Variants in HACD3 observed in about 807,000 individuals in gnomAD.
HACD3 encodes 3-hydroxyacyl-CoA dehydratase 3.
In HACD3, 30 loss-of-function variants were observed where a neutral mutation model predicts 55.2. The ratio of observed to expected loss-of-function variants is 0.54; its 90% CI spans 0.41 to 0.74. HACD3 has a LOEUF of 0.74. Among genes scored for constraint, HACD3 ranks in the 30% least tolerant of loss-of-function variants. HACD3 has a pLI of 0.00. For missense variants in HACD3, 363 were observed against 440.1 expected (o/e 0.82, Z 1.57); for synonymous variants, 141 against 151.7 (o/e 0.93, Z 0.52).
chr15:65,560,595 G>A (rs770021497), intron 5 of HACD3, among the ~76,000 whole-genome samples: 4 of 151,924 alleles, frequency 2.6e-5, no homozygotes, highest in Non-Finnish European at 5.9e-5. Flanking sequence ...CCAGGAGTTC[G>A]AGATCAGACT....
At chr15:65,540,543 A>G (rs946738861) in intron 1 of HACD3, among the ~76,000 whole-genome samples, 3 of 152,214 alleles carry the variant, frequency 2.0e-5, no homozygotes, top group African/African-American at 7.2e-5. Flanking sequence ...GAACATTCCA[A>G]CAAGTCCACA....
intron 7 of HACD3, chr15:65,565,906 CA>C (rs1263052659): frequency 6.6e-6 from 1 of 152,388 alleles, no homozygotes; most frequent in Non-Finnish European, 1.5e-5. Flanking sequence ...ATGCTTTTAA[CA>C]GCACCCAAGT....
Position 65,530,656 on chromosome 15 carries a change from C to T in HACD3, c.25C>T (p.His9Tyr), listed in dbSNP as rs1358808567. 1.9e-6 allele frequency: 3 copies of T among 1,582,048 alleles called. No individual in the cohort carries two copies. The Admixed American group carries it at 5.4e-5, about 29-fold the overall frequency. The change falls in exon 1 of 11, where the codon CAT (histidine) becomes TAT (tyrosine). Residue 9 changes from histidine to tyrosine, a missense_variant. Coordinates refer to ENST00000261875, the MANE Select transcript of HACD3 (RefSeq NM_016395.4). MENQVLTP[H>Y]VYWAQRHREL... Reference sequence around the variant, plus strand: ...CATGGAGAATCAGGTGTTGACGCCGCATGTCTACTGGGCTCAGCGACACCG... The same window carrying T: ...CATGGAGAATCAGGTGTTGACGCCGTATGTCTACTGGGCTCAGCGACACCG...
chr15:65,572,112 A>G, intron 9 of HACD3, 123 bp from the exon 10 acceptor site: 1 of 1,246,390 alleles, frequency 8.0e-7, no homozygotes, highest in Non-Finnish European at 1.1e-6. Flanking sequence ...TTCTGTACAA[A>G]GGGAGGAGAA....
chr15:65,542,355 T>C (rs1477551795), intron 1 of HACD3, among the ~76,000 whole-genome samples: 4 of 151,720 alleles, frequency 2.6e-5, no homozygotes, highest in Admixed American at 2.6e-4. Flanking sequence ...TCTCCACCTC[T>C]CAGGCCCAAG....
intron 2 of HACD3, among the ~76,000 whole-genome samples, chr15:65,554,313 G>A (rs1052236196): frequency 6.6e-6 from 1 of 152,054 alleles, no homozygotes; most frequent in Non-Finnish European, 1.5e-5. Flanking sequence ...GTGGAAGATT[G>A]GGTAAATACG....
intron 1 of HACD3, among the ~76,000 whole-genome samples, chr15:65,544,129 A>G (rs1359821287): frequency 1.3e-5 from 2 of 152,194 alleles, no homozygotes; most frequent in Non-Finnish European, 1.5e-5. Context: ...GTGAGCCGAG[A>G]TTACGCCACT....
At chr15:65,554,300 A>G (rs1008179261) in intron 2 of HACD3, among the ~76,000 whole-genome samples, 3 of 152,150 alleles carry the variant, frequency 2.0e-5, no homozygotes, top group Non-Finnish European at 4.4e-5. Flanking sequence ...CATCAGGGTC[A>G]CAGTGGAAGA....
chr15:65,556,659 T>C, intron 3 of HACD3, 80 bp from the exon 4 acceptor site: 2 of 1,373,440 alleles, frequency 1.5e-6, no homozygotes, highest in Non-Finnish European at 2.0e-6. Context: ...ATCCTGCAGC[T>C]TCTATGTACG....
intron 1 of HACD3, among the ~76,000 whole-genome samples, chr15:65,549,493 G>C (rs952251587): frequency 8.7e-5 from 13 of 150,248 alleles, no homozygotes; most frequent in African/African-American, 3.2e-4. Context: ...CCAGCTGCTC[G>C]GGAGGCTGAA....
chr15:65,574,479 A>G (rs1567342006), intron 10 of HACD3: 1 of 152,266 alleles, frequency 6.6e-6, no homozygotes. Flanking sequence ...GTATGAAATA[A>G]CAGGAGATAG....
intron 1 of HACD3, among the ~76,000 whole-genome samples, chr15:65,534,907 G>T (rs1045353227): frequency 6.6e-6 from 1 of 152,208 alleles, no homozygotes; most frequent in African/African-American, 2.4e-5. Flanking sequence ...TTAAACCTTA[G>T]ATGAGAGGGA....
chr15:65,549,430 A>AG (rs1254111057), intron 1 of HACD3, among the ~76,000 whole-genome samples: 3 of 93,174 alleles, frequency 3.2e-5, no homozygotes, highest in Non-Finnish European at 6.8e-5. Context: ...TGCTGGGAAA[A>AG]AAAAAAAAAA....
At chr15:65,562,701 G>T in intron 5 of HACD3, 73 bp from the exon 6 acceptor site, 2 of 1,553,914 alleles carry the variant, frequency 1.3e-6, no homozygotes, top group Non-Finnish European at 1.7e-6. Flanking sequence ...AAGTCATCCA[G>T]ATATGCCTCA....
In HACD3 at chr15:65,533,826, C is replaced by T. The variant is rs1475935911; in HGVS notation, c.87+3108C>T. Among the ~76,000 whole-genome samples the T allele has an allele frequency of 4.0e-5, 6 of 150,682 alleles. No individual in the cohort carries two copies. In the South Asian group the frequency reaches 8.4e-4, roughly 21 times the overall value. ...CAGCACTATGGGAGGCCGAGACGGGCGGATCATGAGGTCAGGAGATCGAGA... is the reference window on the plus strand; with the variant it reads ...CAGCACTATGGGAGGCCGAGACGGGTGGATCATGAGGTCAGGAGATCGAGA... On this transcript the variant is annotated intron_variant, in intron 1 of 10. Coordinates refer to ENST00000261875, the MANE Select transcript of HACD3 (RefSeq NM_016395.4).
intron 10 of HACD3, among the ~76,000 whole-genome samples, chr15:65,573,888 T>C (rs1366401289): frequency 6.6e-6 from 1 of 152,206 alleles, no homozygotes; most frequent in Non-Finnish European, 1.5e-5. Context: ...TTATCATACA[T>C]AGAACTTTAC....
chr15:65,539,856 A>G (rs2072002786), intron 1 of HACD3, among the ~76,000 whole-genome samples: 1 of 152,184 alleles, frequency 6.6e-6, no homozygotes, highest in Non-Finnish European at 1.5e-5. Context: ...GAAGAATGAT[A>G]TAGGCAGTAT....
At position 65,576,396 on chromosome 15, in the gene HACD3, G is replaced by A. The variant is rs1422172122; in HGVS notation, c.*17G>A. On this transcript the variant is annotated 3_prime_UTR_variant, in exon 11 of 11. Coordinates refer to ENST00000261875, the MANE Select transcript of HACD3 (RefSeq NM_016395.4). ...ATCCACTAAAAAGAAAGATTTAGAT[G>A]GCTTCTTGCCAGTTTGAGCCTAATC... is the stretch of plus-strand genomic sequence containing the variant. The A allele has an allele frequency of 6.3e-7, 1 of 1,586,032 alleles. No individual in the cohort carries two copies. The highest frequency in any genetic ancestry group is 2.3e-5 in the East Asian group (1 of 44,336).
intron 1 of HACD3, chr15:65,535,854 T>C: frequency 1.7e-6 from 1 of 590,438 alleles, no homozygotes; most frequent in Non-Finnish European, 3.1e-6. Context: ...TAGCTAATTT[T>C]CAATTTTTTA....
Sources: allele counts gnomAD v4.1 joint callset (sites outside exome capture counted in the v4.1 genomes callset), GRCh38; gene constraint gnomAD v4.1.1; transcripts MANE v1.5; gene names NCBI Gene and HGNC (gene_info 2026-07-23, HGNC 2026-07-21).